NYNRIN: variants seen among roughly 807,000 people sequenced by gnomAD.
NYNRIN encodes protein NYNRIN.
A neutral mutation model predicts 146.6 loss-of-function variants in NYNRIN; 86 were observed. That is an observed-to-expected ratio of 0.59 (90% confidence interval 0.49 to 0.70). NYNRIN has a LOEUF of 0.70. Ranked by LOEUF, NYNRIN falls within the 30% of genes least tolerant of loss-of-function variation. The probability of loss-of-function intolerance (pLI) is 0.00; values close to 1 mark genes in which losing one functional copy is unlikely to be tolerated. For missense variants in NYNRIN, 2,191 were observed against 2,377.7 expected, an observed-to-expected ratio of 0.92 and a Z score of 1.63; for synonymous variants, 1,027 against 1,001.3, an observed-to-expected ratio of 1.03 and a Z score of -0.48.
intron 7 of NYNRIN, 26 bp from the exon 8 acceptor site, chr14:24,413,284 AGTGACT>A: frequency 6.3e-7 from 1 of 1,589,988 alleles, no homozygotes; most frequent in Non-Finnish European, 8.6e-7. Flanking sequence ...AAGGGCTCAC[AGTGACT>A]GTGCCTCTTC....
chr14:24,401,462 A>G (rs2042843064), intron 2 of NYNRIN, among the ~76,000 whole-genome samples: 1 of 151,684 alleles, frequency 6.6e-6, no homozygotes, highest in Non-Finnish European at 1.5e-5. Flanking sequence ...GTTTTGTCTC[A>G]GGGGTTAGGG....
Position 24,417,234 on chromosome 14 carries a change from G to A in NYNRIN, c.5485G>A (p.Gly1829Ser). 1 of 1,614,048 alleles carries A rather than the reference G, an allele frequency of 6.2e-7. No homozygotes were observed. The highest frequency in any genetic ancestry group is 8.5e-7 in the Non-Finnish European group (1 of 1,179,892). The change falls in exon 9 of 9, where the codon GGT (glycine) becomes AGT (serine). Residue 1829 changes from glycine (G) to serine (S), a missense_variant. Gly to Ser is a moderately conservative substitution (Grantham distance 56, BLOSUM62 0). This residue lies in a region of NYNRIN where 1,291 missense variants were observed against 1,417.0 expected (regional missense o/e 0.91). Transcript: ENST00000382554. ...GAGCCAGGAGAAGGAGTGGAATGTG[G>A]GTGACCAGGTCCTTTTGCTGTCCCT... is the stretch of plus-strand genomic sequence containing the variant. ...RESQEKEWNV[G>S]DQVLLLSLPR...
Position 24,415,409 on chromosome 14 carries a change from C to T in NYNRIN, c.3660C>T (p.Ser1220=), listed in dbSNP as rs373087177. The T allele has an allele frequency of 2.7e-3, 4,300 of 1,613,994 alleles. 5 individuals are homozygous for T. Among genetic ancestry groups the T allele is most frequent in the Non-Finnish European group, 3.3e-3 (3,894 of 1,179,876 alleles). The change falls in exon 9 of 9, where the codon TCC becomes TCT. Residue 1220 remains serine (S), a synonymous_variant. Coordinates refer to ENST00000382554, the MANE Select transcript of NYNRIN (RefSeq NM_025081.3). The part of the protein sequence containing the change: ...YAVAWALKHF[S]RCIGDTPVVL... ...TGGCCTGGGCCCTCAAGCATTTTTCCCGCTGCATTGGAGACACCCCGGTGG... is the reference window on the plus strand; with the variant it reads ...TGGCCTGGGCCCTCAAGCATTTTTCTCGCTGCATTGGAGACACCCCGGTGG...
Position 24,411,847 on chromosome 14 carries a change from G to A in NYNRIN, c.2642+397G>A, listed in dbSNP as rs977321037. 1.3e-5 allele frequency among the ~76,000 whole-genome samples: 2 copies of A among 152,194 alleles called. No homozygotes were observed. Among genetic ancestry groups the A allele is most frequent in the East Asian group, 1.9e-4 (1 of 5,204 alleles). ...AGCCCCGGCACTGGTGGAGGTCTGT[G>A]CATGGCTGATGTGGATGGAGCCCTG... On this transcript the variant is annotated intron_variant, in intron 6 of 8. Transcript: ENST00000382554. This position sits in a 1 kb window ranked among gnomAD's most constrained non-coding sequence, Gnocchi z 4.3.
At chr14:24,407,494 C>T (rs2139345712) in intron 2 of NYNRIN, among the ~76,000 whole-genome samples, 1 of 152,332 alleles carries the variant, frequency 6.6e-6, no homozygotes, top group Non-Finnish European at 1.5e-5. Context: ...CAGACTGGGA[C>T]TAGACCTCAG....
rs781541209 is a variant in NYNRIN, at chr14:24,399,215, T to G, written c.-17-15T>G. ...CCCCGAGACCCGGGTGACACTATCG[T>G]CTCCTTCGTTCCAGGAGCGGGCGGG... On this transcript the variant is annotated splice_polypyrimidine_tract_variant and intron_variant, in intron 1 of 8. Coordinates refer to ENST00000382554, the MANE Select transcript of NYNRIN (RefSeq NM_025081.3). The G allele has an allele frequency of 5.6e-6, 9 of 1,606,800 alleles. No homozygotes were observed. In the Admixed American group the frequency reaches 1.5e-4, roughly 27 times the overall value.
In NYNRIN at chr14:24,411,104, C is replaced by T. The variant is rs971821030; in HGVS notation, c.2443C>T (p.Arg815Ter). The change falls in exon 5 of 9, where the codon CGA (arginine) becomes TGA (stop). Residue 815 changes from arginine to a stop codon, truncating the protein, a stop_gained. Coordinates refer to ENST00000382554, the MANE Select transcript of NYNRIN (RefSeq NM_025081.3). LOFTEE classifies it high-confidence loss of function. This position sits in a 1 kb window ranked among gnomAD's most constrained non-coding sequence, Gnocchi z 4.3. ...TGGCCTGCAGCACTTCTTCTCCTGC[C>T]GAGGAATTGCCATGGCAGTGCAGTT... ...VHGLQHFFSC[R>*]GIAMAVQFFW... 17 of 1,613,628 alleles carry T rather than the reference C, an allele frequency of 1.1e-5. No individual in the cohort carries two copies. Among genetic ancestry groups the T allele is most frequent in the Admixed American group, 1.7e-5 (1 of 59,988 alleles).
intron 2 of NYNRIN, among the ~76,000 whole-genome samples, chr14:24,404,820 T>C (rs72694391): frequency 0.34 from 51,984 of 152,076 alleles, 10,844 homozygotes; most frequent in Middle Eastern, 0.6. Context: ...AGAATGAGTT[T>C]CTCTGCGTTT....
rs2042956997 is a variant in NYNRIN, at chr14:24,417,571, T to A, written c.*125T>A. ...GTTGTGCCTTTTGTAGAGAACTTGC[T>A]TCATAAAGCTTTGCTGAATTGCCTT... On this transcript the variant is annotated 3_prime_UTR_variant, in exon 9 of 9. Coordinates refer to ENST00000382554, the MANE Select transcript of NYNRIN (RefSeq NM_025081.3). The A allele has an allele frequency of 9.3e-6, 12 of 1,295,398 alleles. No homozygotes were observed. Among genetic ancestry groups the A allele is most frequent in the African/African-American group, 3.0e-5 (2 of 67,392 alleles). 80.2% of individuals were successfully genotyped at this position (1,295,398 alleles called of 1,614,324 possible).
rs755150065 is a variant in NYNRIN, at chr14:24,409,725, A to G, written c.1931A>G (p.Lys644Arg). The G allele has an allele frequency of 6.2e-7, 1 of 1,606,540 alleles. No homozygotes were observed. Among genetic ancestry groups the G allele is most frequent in the Non-Finnish European group, 8.5e-7 (1 of 1,177,138 alleles). The change falls in exon 4 of 9, where the codon AAA (lysine) becomes AGA (arginine). Residue 644 changes from lysine (K) to arginine (R), a missense_variant. This residue lies in a region of NYNRIN where 895 missense variants were observed against 941.2 expected (regional missense o/e 0.95). Transcript: ENST00000382554. Reference sequence around the variant, plus strand: ...TCACCTGCAGGTCCCAAAACACCCAAAGCTCAAGCCGGGCCTGCAGCTACA... The same window carrying G: ...TCACCTGCAGGTCCCAAAACACCCAGAGCTCAAGCCGGGCCTGCAGCTACA... The part of the protein sequence containing the change: ...KTSPAGPKTP[K>R]AQAGPAATVS...
chr14:24,406,503 G>A (rs1249016774), intron 2 of NYNRIN, among the ~76,000 whole-genome samples: 1 of 152,176 alleles, frequency 6.6e-6, no homozygotes, highest in Non-Finnish European at 1.5e-5. Context: ...TGTCCATCAG[G>A]TTTTGAGCTG....
At position 24,408,568 on chromosome 14, in the gene NYNRIN, C is replaced by G. The variant is rs761503455; in HGVS notation, c.857+41C>G. 6 of 1,538,508 alleles carry G rather than the reference C, an allele frequency of 3.9e-6. No individual in the cohort carries two copies. In the South Asian group the frequency reaches 7.7e-5, roughly 20 times the overall value. On this transcript the variant is annotated intron_variant, in intron 3 of 8. Transcript: ENST00000382554. ...TGAGCCTGGCTTCTCTGATCCTACC[C>G]CTGCTCCCCTACCCTAAGGAAATAG...
chr14:24,404,691 A>AC (rs1241514747), intron 2 of NYNRIN, among the ~76,000 whole-genome samples: 1 of 151,872 alleles, frequency 6.6e-6, no homozygotes, highest in Admixed American at 6.6e-5. Flanking sequence ...TTGGTTAGGG[A>AC]CCCCGTTTTG....
At position 24,411,474 on chromosome 14, in the gene NYNRIN, C is replaced by T. The variant is rs2042912498; in HGVS notation, c.2642+24C>T. 1.3e-6 allele frequency: 2 copies of T among 1,599,312 alleles called. No individual in the cohort carries two copies. Among genetic ancestry groups the T allele is most frequent in the Non-Finnish European group, 1.7e-6 (2 of 1,166,830 alleles). ...AGGTGTGCCGGTCCCCAGGCCTGCC[C>T]TCCTGGGCTCAGGGAGTTGGGCCTG... On this transcript the variant is annotated intron_variant, in intron 6 of 8. Transcript: ENST00000382554. The surrounding 1 kb of genome is among the most constrained non-coding windows in gnomAD (Gnocchi z 4.3).
At position 24,407,943 on chromosome 14, in the gene NYNRIN, C is replaced by T; in HGVS notation, c.273C>T (p.Phe91=). 6.2e-7 allele frequency: 1 copy of T among 1,613,996 alleles called. No individual in the cohort carries two copies. Among genetic ancestry groups the T allele is most frequent in the Non-Finnish European group, 8.5e-7 (1 of 1,179,852 alleles). ...ACCCACCGATCCTGCACTGTGCCTTCCTTGGGGCCCAAGGCCTCTTCCTGG... is the reference window on the plus strand; with the variant it reads ...ACCCACCGATCCTGCACTGTGCCTTTCTTGGGGCCCAAGGCCTCTTCCTGG... ...VRYPPILHCA[F]LGAQGLFLDC... The change falls in exon 3 of 9, where the codon TTC becomes TTT. Residue 91 remains phenylalanine (F), a synonymous_variant. Transcript: ENST00000382554.
chr14:24,413,574 C>T (rs924074486), intron 8 of NYNRIN, among the ~76,000 whole-genome samples, 157 bp downstream of exon 8: 1 of 152,192 alleles, frequency 6.6e-6, no homozygotes, highest in African/African-American at 2.4e-5. Context: ...GTTCATAAAC[C>T]ACTTACAGTA....
chr14:24,399,836 G>T (rs2042830191), intron 2 of NYNRIN, among the ~76,000 whole-genome samples: 1 of 152,178 alleles, frequency 6.6e-6, no homozygotes, highest in Non-Finnish European at 1.5e-5. Context: ...ACACCTCTTT[G>T]TTCTCCACCA....
At chr14:24,413,220 A>G (rs760549136) in intron 7 of NYNRIN, 96 bp from the exon 8 acceptor site, 35 of 1,364,246 alleles carry the variant, frequency 2.6e-5, no homozygotes, top group Non-Finnish European at 3.6e-5. Context: ...ACCTGCCAGG[A>G]TGTGGGTCTC....
intron 2 of NYNRIN, among the ~76,000 whole-genome samples, chr14:24,405,156 T>C (rs945028834): frequency 1.4e-4 from 21 of 152,236 alleles, no homozygotes; most frequent in African/African-American, 3.9e-4. Context: ...CATGTTCCCC[T>C]TCACTTCCAA....
Sources: gnomAD v4.1 joint callset for allele counts (sites outside exome capture counted in the v4.1 genomes callset) on GRCh38, gnomAD v4.1.1 for gene constraint, gnomAD v4.1.1 regional missense constraint, Gnocchi (gnomAD v3.1) non-coding constraint, MANE v1.5 for transcripts, NCBI Gene and HGNC (gene_info 2026-07-23, HGNC 2026-07-21) for gene names.